Variants in TOP1MT observed in about 807,000 individuals in gnomAD.
TOP1MT encodes the protein DNA topoisomerase I, mitochondrial.
In TOP1MT, 80 loss-of-function variants were observed where a neutral mutation model predicts 73.9. The observed-to-expected ratio is 1.08, with a 90% CI of 0.90 to 1.30. The LOEUF (loss-of-function observed/expected upper bound fraction) is 1.30, where lower values mean the gene tolerates loss of function less well. TOP1MT is among the 50% of genes most tolerant of loss of function. The pLI, the probability that TOP1MT is intolerant of heterozygous loss-of-function variation, is 0.00. For synonymous variants in TOP1MT, 338 were observed against 326.4 expected (o/e 1.04, Z -0.38); for missense variants, 815 against 808.0 (o/e 1.01, Z -0.10).
intron 7 of TOP1MT, among the ~76,000 whole-genome samples, chr8:143,322,392 ACACACATGCTCAC>A (rs1816465947): frequency 1.9e-5 from 1 of 52,526 alleles, no homozygotes; most frequent in African/African-American, 3.9e-5. Flanking sequence ...CACGCACGCC[ACACACATGCTCAC>A]CACACACGCA....
rs1238452837 is a variant in TOP1MT at position 143,341,819 on chromosome 8, TCTTC to T, written c.29+1397_29+1400del. 6.7e-6 allele frequency among the ~76,000 whole-genome samples: 1 copy of T among 149,320 alleles called. No homozygotes were observed. The highest frequency in any genetic ancestry group is 2.5e-5 in the African/African-American group (1 of 39,332). On this transcript the variant is annotated intron_variant, in intron 2 of 5. Coordinates refer to the TOP1MT transcript ENST00000518007. This position sits in a 1 kb window ranked among gnomAD's most constrained non-coding sequence, Gnocchi z 4.1. ...ACCACTGCCCCATCTAGTGCTTCCT[TCTTC>T]CTTCTTCTTCCTCTTCTTCCTCCTC...
chr8:143,327,747 A>C (rs1240469732), intron 3 of TOP1MT: 1 of 411,390 alleles, frequency 2.4e-6, no homozygotes, highest in Non-Finnish European at 4.8e-6. Context: ...CGTGAAAGGC[A>C]GAGGGGTGGC....
At chr8:143,322,724 GGCACGCCACA>G (rs1816515289) in intron 7 of TOP1MT, among the ~76,000 whole-genome samples, 1 of 6,444 alleles carries the variant, frequency 1.6e-4, no homozygotes. Flanking sequence ...GCCACACACA[GGCACGCCACA>G]CACGCCACAC....
intron 10 of TOP1MT, among the ~76,000 whole-genome samples, chr8:143,316,911 G>A (rs1283821129): frequency 6.6e-6 from 1 of 152,216 alleles, no homozygotes; most frequent in Non-Finnish European, 1.5e-5. Flanking sequence ...CTCAGTGGAG[G>A]GGGCGTCTCC....
intron 3 of TOP1MT, among the ~76,000 whole-genome samples, chr8:143,326,877 G>C (rs138069528): frequency 4.6e-4 from 70 of 152,294 alleles, no homozygotes; most frequent in African/African-American, 1.6e-3. Flanking sequence ...ACAGCTCTGG[G>C]GGCTGGAAGG....
At position 143,317,836 on chromosome 8, in the gene TOP1MT, G is replaced by C. The variant is rs778664470; in HGVS notation, c.1217C>G (p.Thr406Arg). 5.6e-6 allele frequency: 9 copies of C among 1,614,052 alleles called. No homozygotes were observed. In the Admixed American group the frequency reaches 1.5e-4, roughly 27 times the overall value. The change falls in exon 10 of 14, where the codon ACG becomes AGG. Residue 406 changes from threonine (T) to arginine (R), a missense_variant and splice_region_variant. Physicochemically the swap from Thr to Arg is moderately conservative, Grantham distance 71. This residue lies in a region of TOP1MT where 751 missense variants were observed against 725.4 expected (regional missense o/e 1.04). Transcript: ENST00000329245. Reference protein sequence around the residue: ...PRDDLFDRLTTTSLNKHLQEL... With the variant: ...PRDDLFDRLTRTSLNKHLQEL... The stretch of plus-strand genomic sequence containing the variant: ...CTGGAGGTGCTTGTTCAGGCTGGTC[G>C]TCTGGGGAGGAAAATGGTCTCTATA...
intron 12 of TOP1MT, among the ~76,000 whole-genome samples, chr8:143,311,310 C>T (rs1410095869): frequency 6.6e-6 from 1 of 152,020 alleles, no homozygotes; most frequent in Non-Finnish European, 1.5e-5. Flanking sequence ...CCTCTGGGGA[C>T]AGGAGGTCAG....
At chr8:143,342,037 C>T (rs575070109) in intron 2 of TOP1MT, among the ~76,000 whole-genome samples, 2 of 138,700 alleles carry the variant, frequency 1.4e-5, no homozygotes, top group Non-Finnish European at 1.5e-5. Flanking sequence ...GACAGAGTCT[C>T]GCTGTTATTA....
chr8:143,325,310 G>T (rs769805238), intron 5 of TOP1MT, 36 bp downstream of exon 5: 2 of 1,560,282 alleles, frequency 1.3e-6, no homozygotes, highest in South Asian at 1.1e-5. Flanking sequence ...GGTGGCGGGG[G>T]TCCAGTGCCC....
chr8:143,316,147 G>A, intron 10 of TOP1MT, 21 bp from the exon 11 acceptor site: 1 of 1,613,926 alleles, frequency 6.2e-7, no homozygotes, highest in Middle Eastern at 1.6e-4. Flanking sequence ...CGGGCTGTCA[G>A]AGGCAGCACC....
At chr8:143,350,970 T>C (rs1006962851) in intron 1 of TOP1MT, among the ~76,000 whole-genome samples, 16 of 152,100 alleles carry the variant, frequency 1.1e-4, no homozygotes, top group Non-Finnish European at 2.1e-4. Flanking sequence ...ACCTACTTAG[T>C]CCAGTTTCAG....
chr8:143,351,811 T>C (rs2977348), intron 1 of TOP1MT, among the ~76,000 whole-genome samples: 17,228 of 150,972 alleles, frequency 0.11, 3,306 homozygotes, highest in African/African-American at 0.39. Context: ...CGGCCAGGTG[T>C]AGTGGCTCAT....
intron 2 of TOP1MT, among the ~76,000 whole-genome samples, chr8:143,329,982 C>T (rs985327862): frequency 2.6e-5 from 4 of 152,198 alleles, no homozygotes; most frequent in African/African-American, 9.6e-5. Context: ...GTGAGAGGCT[C>T]GTGGTGGGAA....
intron 8 of TOP1MT, among the ~76,000 whole-genome samples, chr8:143,319,025 C>T (rs1406197407): frequency 6.6e-6 from 1 of 152,168 alleles, no homozygotes; most frequent in East Asian, 1.9e-4. Context: ...TGCAACTCCC[C>T]ATCCAGGCCT....
At chr8:143,356,962 C>T (rs995203272), upstream of TOP1MT, among the ~76,000 whole-genome samples, 3 of 150,096 alleles carry the variant, frequency 2.0e-5, no homozygotes, top group South Asian at 2.1e-4. Flanking sequence ...GGTGTGGTGG[C>T]GGGCGCCTTT....
intron 7 of TOP1MT, 135 bp downstream of exon 7, chr8:143,323,864 T>C (rs1816627104): frequency 8.1e-6 from 8 of 982,904 alleles, no homozygotes; most frequent in Non-Finnish European, 1.2e-5. Flanking sequence ...CGTGTGCACA[T>C]GCACACACCC....
At chr8:143,342,111 TATTA>T (rs1329276201) in intron 2 of TOP1MT, among the ~76,000 whole-genome samples, 3 of 138,218 alleles carry the variant, frequency 2.2e-5, no homozygotes, top group Admixed American at 1.4e-4. Flanking sequence ...CTGTTATTAT[TATTA>T]GAGACACAGT....
At chr8:143,349,476 C>T (rs1234911452), upstream of TOP1MT, among the ~76,000 whole-genome samples, 1 of 152,144 alleles carries the variant, frequency 6.6e-6, no homozygotes, top group Non-Finnish European at 1.5e-5. Flanking sequence ...TCATTAGTGC[C>T]AATGTGTTTT....
rs1363501631 is a variant in TOP1MT at position 143,334,839 on chromosome 8, C to T, written c.23G>A (p.Arg8Gln). 5.3e-6 allele frequency: 8 copies of T among 1,502,046 alleles called. No individual in the cohort carries two copies. The highest frequency in any genetic ancestry group is 6.1e-6 in the Non-Finnish European group (7 of 1,142,138). 93.0% of individuals were successfully genotyped at this position (1,502,046 alleles called of 1,614,324 possible). A position where few individuals can be genotyped will look rare whatever the true frequency, so the allele number is the denominator to read the frequency against. Reference sequence around the variant, plus strand: ...GAGCAGCGTCAGAGCCGCCCGGAGCCGCAGCAGCCGCACCACGCGCATCTG... The same window carrying T: ...GAGCAGCGTCAGAGCCGCCCGGAGCTGCAGCAGCCGCACCACGCGCATCTG... MRVVRLL[R>Q]LRAALTLLGE... Residue 8 changes from arginine (R) to glutamine (Q), a missense_variant, in exon 1 of 14, where the codon CGG (arginine) becomes CAG (glutamine). Coordinates refer to ENST00000329245, the MANE Select transcript of TOP1MT (RefSeq NM_052963.3).
Sources: allele counts gnomAD v4.1 joint callset (sites outside exome capture counted in the v4.1 genomes callset), GRCh38; gene constraint gnomAD v4.1.1; regional missense constraint gnomAD v4.1.1; non-coding constraint Gnocchi (gnomAD v3.1); transcripts MANE v1.5; gene names NCBI Gene and HGNC (gene_info 2026-07-23, HGNC 2026-07-21).